The following KHDRBS1 variants were observed in gnomAD, a reference collection of about 807,000 sequenced individuals.
KHDRBS1 encodes KH RNA binding domain containing, signal transduction associated 1, also known as KH domain-containing, RNA-binding, signal transduction-associated protein 1.
Under a neutral mutation model 48.4 loss-of-function variants are expected in KHDRBS1, and 7 were observed. The observed-to-expected ratio is 0.14, with a 90% CI of 0.08 to 0.27. KHDRBS1 has a LOEUF of 0.27. Ranked by LOEUF, KHDRBS1 falls within the 10% of genes least tolerant of loss-of-function variation. KHDRBS1 has a pLI of 1.00. For synonymous variants in KHDRBS1, 241 were observed against 235.8 expected (o/e 1.02, Z -0.20); for missense variants, 458 against 601.2 (o/e 0.76, Z 2.49).
At chr1:32,020,922 G>A (rs957123730) in intron 1 of KHDRBS1, among the ~76,000 whole-genome samples, 23 of 152,038 alleles carry the variant, frequency 1.5e-4, no homozygotes, top group Non-Finnish European at 2.9e-5. Context: ...AAGCAAACAA[G>A]TACATGTAAA....
chr1:32,025,032 C>T (rs1638935855), intron 1 of KHDRBS1, among the ~76,000 whole-genome samples: 1 of 151,650 alleles, frequency 6.6e-6, no homozygotes, highest in Non-Finnish European at 1.5e-5. Context: ...CTTTGGGAGG[C>T]CGAAGTGGAA....
intron 10 of KHDRBS1, among the ~76,000 whole-genome samples, chr1:32,048,890 A>G (rs1450798643): frequency 1.3e-5 from 2 of 152,000 alleles, no homozygotes; most frequent in African/African-American, 2.4e-5. Flanking sequence ...GCCGTAGGCT[A>G]CTACTCTGCT....
intron 1 of KHDRBS1, among the ~76,000 whole-genome samples, chr1:32,028,929 C>T (rs1230802297): frequency 6.6e-6 from 1 of 152,030 alleles, no homozygotes; most frequent in Non-Finnish European, 1.5e-5. Context: ...ATTGCCACCT[C>T]TATAGTCTGG....
chr1:32,041,805 G>C (rs536574260), intron 8 of KHDRBS1, among the ~76,000 whole-genome samples: 133 of 152,208 alleles, frequency 8.7e-4, no homozygotes, highest in Non-Finnish European at 1.5e-3. Context: ...GGTCAGGCTG[G>C]TCTCGAACTC....
intron 1 of KHDRBS1, among the ~76,000 whole-genome samples, chr1:32,016,607 C>T (rs1288465594): frequency 6.6e-6 from 1 of 152,128 alleles, no homozygotes; most frequent in Non-Finnish European, 1.5e-5. Flanking sequence ...AGAGCAGAGT[C>T]TACTGCTTGG....
intron 10 of KHDRBS1, among the ~76,000 whole-genome samples, chr1:32,050,220 T>C (rs1488923747): frequency 6.6e-6 from 1 of 152,222 alleles, no homozygotes; most frequent in Non-Finnish European, 1.5e-5. Context: ...CTAAATACTT[T>C]GCCCACTTTT....
rs1639317181 is a variant in KHDRBS1, at chr1:32,043,378, T to TA, written c.*755dup. The TA allele has an allele frequency of 6.6e-6, 1 of 152,422 alleles. No individual in the cohort carries two copies. Among genetic ancestry groups the TA allele is most frequent in the Admixed American group, 6.6e-5 (1 of 15,246 alleles). 9.4% of individuals were successfully genotyped at this position (152,422 alleles called of 1,614,324 possible). A position where few individuals can be genotyped will look rare whatever the true frequency, so the allele number is the denominator to read the frequency against. ...CAGACATACTGTGTTGAGAGATACT[T>TA]AGAGGGAGGGAGTAGGTTTTGAAGA... On this transcript the variant is annotated 3_prime_UTR_variant, in exon 9 of 9. Coordinates refer to ENST00000327300, the MANE Select transcript of KHDRBS1 (RefSeq NM_006559.3).
At chr1:32,047,624 T>C (rs1639372530), downstream of KHDRBS1, among the ~76,000 whole-genome samples, 1 of 152,260 alleles carries the variant, frequency 6.6e-6, no homozygotes, top group African/African-American at 2.4e-5. Flanking sequence ...CTGACATTTA[T>C]CACTGTATGC....
rs753283735 is a variant in KHDRBS1, at chr1:32,031,521, C to T, written c.508-3C>T. Reference sequence around the variant, plus strand: ...TATTTAGAAATCCTCTATTTTCTGTCAGTTCAATTTTGTGGGGAAGATTCT... The same window carrying T: ...TATTTAGAAATCCTCTATTTTCTGTTAGTTCAATTTTGTGGGGAAGATTCT... On this transcript the variant is annotated splice_region_variant and splice_polypyrimidine_tract_variant and intron_variant, in intron 2 of 8. Transcript: ENST00000327300. The T allele has an allele frequency of 1.3e-6, 2 of 1,548,788 alleles. No homozygotes were observed. Among genetic ancestry groups the T allele is most frequent in the Non-Finnish European group, 1.8e-6 (2 of 1,138,460 alleles).
At chr1:32,050,259 G>A (rs1475068473) in intron 10 of KHDRBS1, among the ~76,000 whole-genome samples, 1 of 152,094 alleles carries the variant, frequency 6.6e-6, no homozygotes, top group African/African-American at 2.4e-5. Context: ...TTTTATTAGC[G>A]AGTTGTAAGT....
At chr1:32,053,870 G>A (rs915625327) in intron 10 of KHDRBS1, among the ~76,000 whole-genome samples, 1 of 152,162 alleles carries the variant, frequency 6.6e-6, no homozygotes, top group Non-Finnish European at 1.5e-5. Flanking sequence ...ATCACTTGAA[G>A]TCAGGAGTTC....
At chr1:32,025,547 C>T (rs1005730632) in intron 1 of KHDRBS1, among the ~76,000 whole-genome samples, 8 of 150,810 alleles carry the variant, frequency 5.3e-5, no homozygotes, top group Non-Finnish European at 8.8e-5. Context: ...GTGATCCACC[C>T]GCCTCAGCCT....
Position 32,014,331 on chromosome 1 carries a change from C to T in KHDRBS1, c.336C>T (p.Asp112=). The stretch of plus-strand genomic sequence containing the variant: ...TGCCCGAACTCATGGCCGAGAAGGA[C>T]TCGCTCGACCCGTCCTTCACTCACG... ...KYLPELMAEK[D]SLDPSFTHAM... Residue 112 remains aspartate (D), a synonymous_variant, in exon 1 of 9, where the codon GAC becomes GAT. Coordinates refer to ENST00000327300, the MANE Select transcript of KHDRBS1 (RefSeq NM_006559.3). 1 of 1,544,072 alleles carries T rather than the reference C, an allele frequency of 6.5e-7. No individual in the cohort carries two copies. Among genetic ancestry groups the T allele is most frequent in the Non-Finnish European group, 8.8e-7 (1 of 1,141,712 alleles).
At chr1:32,014,561 C>T (rs1182711634) in intron 1 of KHDRBS1, among the ~76,000 whole-genome samples, 184 bp downstream of exon 1, 1 of 152,200 alleles carries the variant, frequency 6.6e-6, no homozygotes, top group Non-Finnish European at 1.5e-5. Context: ...GGGAGAATTT[C>T]TAGGCTGCAG....
intron 1 of KHDRBS1, among the ~76,000 whole-genome samples, chr1:32,019,691 T>G (rs1638818294): frequency 6.6e-6 from 1 of 152,204 alleles, no homozygotes; most frequent in African/African-American, 2.4e-5. Context: ...TAATACTATT[T>G]CTATAAAACA....
At chr1:32,049,672 T>TA (rs201350648) in intron 10 of KHDRBS1, among the ~76,000 whole-genome samples, 4,265 of 151,494 alleles carry the variant, frequency 0.028, 192 homozygotes, top group African/African-American at 0.096. Context: ...TTTTATTTTT[T>TA]TTTTTTTGAG....
chr1:32,019,110 A>G (rs1206227284), intron 1 of KHDRBS1, among the ~76,000 whole-genome samples: 3 of 151,412 alleles, frequency 2.0e-5, no homozygotes, highest in Non-Finnish European at 4.4e-5. Context: ...AAAACAAACA[A>G]ACAAACAAAA....
At chr1:32,023,483 A>AT (rs1638901632) in intron 1 of KHDRBS1, among the ~76,000 whole-genome samples, 1 of 152,202 alleles carries the variant, frequency 6.6e-6, no homozygotes, top group African/African-American at 2.4e-5. Flanking sequence ...ATAAGATATG[A>AT]TTATTCTGAG....
At chr1:32,050,660 G>A (rs558245317) in intron 10 of KHDRBS1, among the ~76,000 whole-genome samples, 7 of 151,694 alleles carry the variant, frequency 4.6e-5, no homozygotes, top group South Asian at 2.1e-4. Context: ...CTACAGGTGC[G>A]TGCCATCATG....
Sources: allele counts gnomAD v4.1 joint callset (sites outside exome capture counted in the v4.1 genomes callset), GRCh38; gene constraint gnomAD v4.1.1; transcripts MANE v1.5; gene names NCBI Gene and HGNC (gene_info 2026-07-23, HGNC 2026-07-21).